The following ANO3 variants were observed in gnomAD, a reference collection of about 807,000 sequenced individuals.
The protein encoded by ANO3 is anoctamin 3.
Under a neutral mutation model 144.8 loss-of-function variants are expected in ANO3, and 99 were observed. That is an observed-to-expected ratio of 0.68 (90% CI 0.58 to 0.81). The LOEUF is 0.81. Among genes scored for constraint, ANO3 ranks in the 30% least tolerant of loss-of-function variants. ANO3 has a pLI of 0.00. For synonymous variants in ANO3, 414 were observed against 392.6 expected (o/e 1.05, Z -0.64); for missense variants, 905 against 1,202.2 (o/e 0.75, Z 3.66).
chr11:26,375,960 A>C (rs1281549438), intron 1 of ANO3, among the ~76,000 whole-genome samples: 2 of 152,146 alleles, frequency 1.3e-5, no homozygotes, highest in African/African-American at 4.8e-5. Flanking sequence ...TTTTCTGGAG[A>C]GAAAAAAAGT....
At chr11:26,204,320 C>T (rs1347800187) in intron 1 of ANO3, among the ~76,000 whole-genome samples, 2 of 151,998 alleles carry the variant, frequency 1.3e-5, no homozygotes, top group Admixed American at 6.6e-5. Context: ...CCCACTTATC[C>T]CCCAGGACAA....
At chr11:26,248,107 A>T (rs1185359508) in intron 1 of ANO3, among the ~76,000 whole-genome samples, 1 of 151,870 alleles carries the variant, frequency 6.6e-6, no homozygotes, top group African/African-American at 2.4e-5. Context: ...TGGGAGGCCC[A>T]GGCGGGCGAA....
At chr11:26,441,114 T>TTG (rs1858496483) in intron 1 of ANO3, among the ~76,000 whole-genome samples, 1 of 107,738 alleles carries the variant, frequency 9.3e-6, no homozygotes, top group Admixed American at 8.7e-5. Flanking sequence ...CAGTTTTTTT[T>TTG]TTTTTTTTTT....
chr11:26,347,522 G>A (rs1489714677), intron 1 of ANO3, among the ~76,000 whole-genome samples: 1 of 152,190 alleles, frequency 6.6e-6, no homozygotes, highest in Admixed American at 6.5e-5. Flanking sequence ...AGGAGTTCAT[G>A]TGAAAATGAA....
At chr11:26,586,757 C>T (rs1038360880) in intron 14 of ANO3, among the ~76,000 whole-genome samples, 7 of 147,042 alleles carry the variant, frequency 4.8e-5, no homozygotes, top group African/African-American at 1.7e-4. Context: ...TTGACTCGGC[C>T]TCCCAAACTG....
At chr11:26,559,832 TG>T in intron 14 of ANO3, 53 bp downstream of exon 14, 4 of 1,029,292 alleles carry the variant, frequency 3.9e-6, no homozygotes, top group Non-Finnish European at 3.0e-6. Flanking sequence ...GCTGTTTCTG[TG>T]TTACACACAC....
At chr11:26,656,610 A>G in intron 26 of ANO3, 129 bp downstream of exon 26, 4 of 641,034 alleles carry the variant, frequency 6.2e-6, no homozygotes, top group Non-Finnish European at 1.1e-5. Flanking sequence ...AAAAGGCTTT[A>G]ATACAATGAA....
At chr11:26,659,091 C>G (rs949634214) in intron 26 of ANO3, among the ~76,000 whole-genome samples, 4 of 146,604 alleles carry the variant, frequency 2.7e-5, no homozygotes, top group Admixed American at 6.9e-5. Flanking sequence ...CACACACACA[C>G]ACACACACAT....
intron 1 of ANO3, among the ~76,000 whole-genome samples, chr11:26,248,377 AG>A (rs906324584): frequency 3.3e-5 from 5 of 151,970 alleles, no homozygotes; most frequent in Non-Finnish European, 7.4e-5. Context: ...AGAAAAAGGA[AG>A]GGTTTAAAAT....
In ANO3 at chr11:26,559,835, TAC is replaced by T. The variant is rs71047866; in HGVS notation, c.1447+95_1447+96del. The T allele has an allele frequency of 0.16, 102,437 of 650,062 alleles. 2,427 individuals are homozygous for T. Among genetic ancestry groups the T allele is most frequent in the East Asian group, 0.19 (6,489 of 34,724 alleles). 40.3% of individuals were successfully genotyped at this position (650,062 alleles called of 1,614,324 possible). A position where few individuals can be genotyped will look rare whatever the true frequency, so the allele number is the denominator to read the frequency against. ...TTATTTTCTGAAGCTGTTTCTGTGT[TAC>T]ACACACACACACACACACACACACA... On this transcript the variant is annotated intron_variant, in intron 14 of 26. Transcript: ENST00000256737.
chr11:26,447,703 C>A (rs1485709980), intron 3 of ANO3, among the ~76,000 whole-genome samples: 3 of 151,890 alleles, frequency 2.0e-5, no homozygotes, highest in East Asian at 3.9e-4. Flanking sequence ...TTTTTATTGA[C>A]ATCACATAAC....
chr11:26,249,557 C>T lies in ANO3; in HGVS notation c.155-60088C>T, dbSNP rs556348883. Among the ~76,000 whole-genome samples, 105 of 151,712 alleles carry T rather than the reference C, an allele frequency of 6.9e-4. 1 individual carries two copies. The highest frequency in any genetic ancestry group is 2.9e-5 in the Non-Finnish European group (2 of 67,970). On this transcript the variant is annotated intron_variant, in intron 1 of 27. Coordinates refer to the ANO3 transcript ENST00000672621. ...GGCCCTGGTGGTTGTGCTAAATTAA[C>T]TCATGATTTTTTTTAAAAAAAAGGA... is the stretch of plus-strand genomic sequence containing the variant.
chr11:26,634,159 T>TTCACC (rs1263003891), intron 18 of ANO3, 45 bp from the exon 19 acceptor site: 3 of 1,198,826 alleles, frequency 2.5e-6, no homozygotes, highest in South Asian at 1.3e-5. Flanking sequence ...AGTCTTGATA[T>TTCACC]TCACCTCACC....
intron 3 of ANO3, among the ~76,000 whole-genome samples, chr11:26,451,308 G>T (rs886408773): frequency 1.3e-5 from 2 of 152,174 alleles, no homozygotes; most frequent in Non-Finnish European, 2.9e-5. Context: ...AAGCGCAAGG[G>T]GTCAGGGAGT....
chr11:26,590,922 T>A (rs2132892486), intron 14 of ANO3, among the ~76,000 whole-genome samples: 1 of 152,116 alleles, frequency 6.6e-6, no homozygotes, highest in Middle Eastern at 3.4e-3. Flanking sequence ...TCCCATACAA[T>A]GGGAGGGGAC....
chr11:26,626,863 T>A (rs1389454), intron 18 of ANO3, among the ~76,000 whole-genome samples: 1 of 152,038 alleles, frequency 6.6e-6, no homozygotes, highest in Non-Finnish European at 1.5e-5. Context: ...CCAAGTATTC[T>A]CCTGAATGTT....
chr11:26,548,583 T>C (rs1183472593), intron 12 of ANO3, among the ~76,000 whole-genome samples: 3 of 149,196 alleles, frequency 2.0e-5, no homozygotes, highest in Non-Finnish European at 4.4e-5. Context: ...ATATAATATG[T>C]ATATGTATGT....
intron 13 of ANO3, among the ~76,000 whole-genome samples, chr11:26,554,020 A>T (rs1850014347): frequency 6.6e-6 from 1 of 152,150 alleles, no homozygotes; most frequent in Admixed American, 6.6e-5. Flanking sequence ...TGCACCTGTG[A>T]AACCGTTAGC....
chr11:26,596,025 G>C (rs767659166), intron 14 of ANO3, among the ~76,000 whole-genome samples: 16 of 152,134 alleles, frequency 1.1e-4, no homozygotes, highest in Non-Finnish European at 2.2e-4. Context: ...TCAGTGTTTT[G>C]GGCTATGCCC....
Sources: gnomAD v4.1 joint callset for allele counts (sites outside exome capture counted in the v4.1 genomes callset) on GRCh38, gnomAD v4.1.1 for gene constraint, MANE v1.5 for transcripts, NCBI Gene and HGNC (gene_info 2026-07-23, HGNC 2026-07-21) for gene names.